Variants in CCDC146 observed in about 807,000 individuals in gnomAD.
CCDC146 encodes the protein coiled-coil domain-containing protein 146.
Under a neutral mutation model 119.3 loss-of-function variants are expected in CCDC146, and 92 were observed. The ratio of observed to expected loss-of-function variants is 0.77; its 90% CI spans 0.65 to 0.92. The LOEUF is 0.92. Among genes scored for constraint, CCDC146 ranks in the 40% least tolerant of loss-of-function variants. CCDC146 has a pLI of 0.00. For missense variants in CCDC146, 1,000 were observed against 1,103.0 expected, an observed-to-expected ratio of 0.91 and a Z score of 1.32; for synonymous variants, 372 against 371.8, an observed-to-expected ratio of 1.00 and a Z score of -0.01.
At chr7:77,249,101 G>A (rs77154323) in intron 4 of CCDC146, among the ~76,000 whole-genome samples, 11,405 of 152,132 alleles carry the variant, frequency 0.075, 769 homozygotes, top group East Asian at 0.27. Flanking sequence ...GGATGTTGAA[G>A]TCTCCAGCTG....
chr7:77,191,511 A>T (rs1445202125), intron 2 of CCDC146, among the ~76,000 whole-genome samples: 1 of 152,236 alleles, frequency 6.6e-6, no homozygotes, highest in Non-Finnish European at 1.5e-5. Flanking sequence ...TAGAACTTAG[A>T]CAATATTGAA....
rs558186263 is a variant in CCDC146, at chr7:77,209,971, C to T, written c.157-26976C>T. Among the ~76,000 whole-genome samples, 8 of 152,330 alleles carry T rather than the reference C, an allele frequency of 5.3e-5. No individual in the cohort carries two copies. The South Asian group carries it at 1.2e-3, about 24-fold the overall frequency. On this transcript the variant is annotated intron_variant, in intron 2 of 18. Coordinates refer to ENST00000285871, the MANE Select transcript of CCDC146 (RefSeq NM_020879.3). The stretch of plus-strand genomic sequence containing the variant: ...CATTTTTCCCTCCTAGGCCTCCAGG[C>T]CTGTGATGAGAGGGGCTGCCGTGAA...
chr7:77,238,046 T>TA (rs1562843609), intron 3 of CCDC146, among the ~76,000 whole-genome samples: 1 of 152,092 alleles, frequency 6.6e-6, no homozygotes, highest in Non-Finnish European at 1.5e-5. Context: ...ACTTTGAGGG[T>TA]AAAAGCATGA....
At chr7:77,159,902 G>A (rs1257233785) in intron 1 of CCDC146, among the ~76,000 whole-genome samples, 1 of 152,114 alleles carries the variant, frequency 6.6e-6, no homozygotes, top group East Asian at 1.9e-4. Flanking sequence ...ATGGTCTTAG[G>A]TCTAACGTTT....
intron 17 of CCDC146, among the ~76,000 whole-genome samples, chr7:77,288,374 A>G (rs1793885820): frequency 6.6e-6 from 1 of 152,260 alleles, no homozygotes; most frequent in Non-Finnish European, 1.5e-5. Flanking sequence ...TGCAGGAAGC[A>G]TGGTGCCTGC....
At chr7:77,287,720 C>A (rs1226990384) in intron 17 of CCDC146, 143 bp downstream of exon 17, 2 of 845,218 alleles carry the variant, frequency 2.4e-6, no homozygotes, top group African/African-American at 3.4e-5. Context: ...GAAAGGATGA[C>A]TCAGAGAATT....
chr7:77,233,853 A>T (rs73373647), intron 2 of CCDC146, among the ~76,000 whole-genome samples: 9,749 of 152,220 alleles, frequency 0.064, 826 homozygotes, highest in African/African-American at 0.2. Flanking sequence ...CAAAATGCCA[A>T]ATACAATCAT....
At chr7:77,189,140 T>G (rs2150422405) in intron 2 of CCDC146, among the ~76,000 whole-genome samples, 1 of 152,214 alleles carries the variant, frequency 6.6e-6, no homozygotes, top group Admixed American at 6.5e-5. Context: ...ATCTTTGAAC[T>G]TATAATGTTC....
intron 2 of CCDC146, among the ~76,000 whole-genome samples, chr7:77,217,730 T>TTA (rs1792327304): frequency 6.6e-6 from 1 of 152,150 alleles, no homozygotes; most frequent in Admixed American, 6.6e-5. Flanking sequence ...TACTATACAC[T>TTA]TAGGCTATAT....
intron 2 of CCDC146, among the ~76,000 whole-genome samples, chr7:77,176,351 A>G (rs1791499904): frequency 1.3e-5 from 2 of 151,228 alleles, no homozygotes; most frequent in Non-Finnish European, 2.9e-5. Flanking sequence ...GCAATGAGGA[A>G]AAAAGGAGTG....
intron 2 of CCDC146, among the ~76,000 whole-genome samples, chr7:77,236,068 C>CATAAATAAGTAAATAA (rs1792730240): frequency 6.8e-6 from 1 of 147,404 alleles, no homozygotes; most frequent in African/African-American, 2.5e-5. Context: ...GAGACTCCGT[C>CATAAATAAGTAAATAA]ATAAATAAAT....
intron 6 of CCDC146, chr7:77,257,167 A>C (rs964046733): frequency 2.6e-5 from 4 of 152,000 alleles, no homozygotes; most frequent in African/African-American, 7.3e-5. Flanking sequence ...CAAAACAACC[A>C]AATGTCCTAA....
At position 77,243,301 on chromosome 7, in the gene CCDC146, G is replaced by A. The variant is rs7782853; in HGVS notation, c.449+1401G>A. Among the ~76,000 whole-genome samples, 78 of 152,252 alleles carry A rather than the reference G, an allele frequency of 5.1e-4. No individual in the cohort carries two copies. In the South Asian group the frequency reaches 9.1e-3, roughly 18 times the overall value. Reference sequence around the variant, plus strand: ...AAGGAGACAATGCATACTGACCTGCGGTGAATAAGAACATTCAAAATGCAC... The same window carrying A: ...AAGGAGACAATGCATACTGACCTGCAGTGAATAAGAACATTCAAAATGCAC... On this transcript the variant is annotated intron_variant, in intron 4 of 18. Transcript: ENST00000285871.
At chr7:77,228,205 G>A (rs1327414229) in intron 2 of CCDC146, among the ~76,000 whole-genome samples, 3 of 152,152 alleles carry the variant, frequency 2.0e-5, no homozygotes, top group East Asian at 1.9e-4. Context: ...GGTTTGTTAC[G>A]TAGGTAAACT....
At chr7:77,263,848 C>T (rs554674063) in intron 9 of CCDC146, among the ~76,000 whole-genome samples, 19 of 152,218 alleles carry the variant, frequency 1.2e-4, no homozygotes, top group African/African-American at 3.1e-4. Flanking sequence ...CGCTTGAACC[C>T]GGGAGGCGGA....
At chr7:77,184,756 G>C (rs918362701) in intron 2 of CCDC146, among the ~76,000 whole-genome samples, 1 of 152,102 alleles carries the variant, frequency 6.6e-6, no homozygotes, top group Non-Finnish European at 1.5e-5. Context: ...TTAGCTGCAG[G>C]AAGAAAATAA....
chr7:77,230,494 A>ATGTGTGTGTGTG (rs71524923), intron 2 of CCDC146, among the ~76,000 whole-genome samples: 66 of 149,338 alleles, frequency 4.4e-4, no homozygotes, highest in African/African-American at 1.4e-3. Context: ...GTTGACAGGT[A>ATGTGTGTGTGTG]TGTGTGTGTG....
At chr7:77,138,344 AT>A (rs1319396091) in intron 1 of CCDC146, among the ~76,000 whole-genome samples, 43 of 144,202 alleles carry the variant, frequency 3.0e-4, no homozygotes, top group African/African-American at 1.0e-3. Context: ...GCAAAAAAAA[AT>A]GAATCTAAAC....
At chr7:77,181,585 A>G (rs1791590185) in intron 2 of CCDC146, among the ~76,000 whole-genome samples, 1 of 152,322 alleles carries the variant, frequency 6.6e-6, no homozygotes, top group South Asian at 2.1e-4. Flanking sequence ...ACTTGTAACT[A>G]CTTTTTGTGT....
Sources: gnomAD v4.1 joint callset for allele counts (sites outside exome capture counted in the v4.1 genomes callset) on GRCh38, gnomAD v4.1.1 for gene constraint, MANE v1.5 for transcripts, NCBI Gene and HGNC (gene_info 2026-07-23, HGNC 2026-07-21) for gene names.